The following CDKAL1 variants were observed in gnomAD, a reference collection of about 807,000 sequenced individuals.
CDKAL1 encodes the protein CDKAL1 threonylcarbamoyladenosine tRNA methylthiotransferase, also known as threonylcarbamoyladenosine tRNA methylthiotransferase.
A neutral mutation model predicts 68.2 loss-of-function variants in CDKAL1; 32 were observed. That is an observed-to-expected ratio of 0.47 (90% CI 0.35 to 0.63). CDKAL1 has a LOEUF of 0.63. Ranked by LOEUF, CDKAL1 falls within the 30% of genes least tolerant of loss-of-function variation. CDKAL1 has a pLI of 0.00. For synonymous variants in CDKAL1, 234 were observed against 244.3 expected, an observed-to-expected ratio of 0.96 and a Z score of 0.39; for missense variants, 606 against 696.7, an observed-to-expected ratio of 0.87 and a Z score of 1.47.
chr6:20,784,448 G>C (rs1373670026), intron 8 of CDKAL1, among the ~76,000 whole-genome samples: 1 of 12,878 alleles, frequency 7.8e-5, no homozygotes, highest in Non-Finnish European at 1.8e-4. Context: ...TTTTGAGACA[G>C]AGTCTCACTC....
chr6:20,849,333 C>T (rs1037321688), intron 9 of CDKAL1, among the ~76,000 whole-genome samples: 5 of 151,858 alleles, frequency 3.3e-5, no homozygotes, highest in Admixed American at 2.0e-4. Flanking sequence ...CCTGTAATCC[C>T]AGCACTTTGG....
At chr6:20,981,799 C>T (rs1026778175) in intron 10 of CDKAL1, among the ~76,000 whole-genome samples, 12 of 152,178 alleles carry the variant, frequency 7.9e-5, no homozygotes, top group African/African-American at 2.9e-4. Flanking sequence ...CAAAAACGTG[C>T]CCCTGCACTC....
At chr6:21,056,566 C>A (rs1770844270) in intron 11 of CDKAL1, among the ~76,000 whole-genome samples, 1 of 152,080 alleles carries the variant, frequency 6.6e-6, no homozygotes, top group African/African-American at 2.4e-5. Flanking sequence ...CTATGTTGAA[C>A]AGGAGTAGCG....
intron 9 of CDKAL1, among the ~76,000 whole-genome samples, chr6:20,861,786 CAGG>C (rs1402328929): frequency 3.9e-5 from 6 of 152,288 alleles, no homozygotes; most frequent in East Asian, 3.9e-4. Flanking sequence ...CCGCCATTGT[CAGG>C]AGATCTGTCT....
At chr6:20,597,045 G>A (rs942333086) in intron 4 of CDKAL1, among the ~76,000 whole-genome samples, 2 of 152,212 alleles carry the variant, frequency 1.3e-5, no homozygotes, top group African/African-American at 4.8e-5. Context: ...CGCCTTCTGT[G>A]TTGATCTGGC....
chr6:21,077,524 G>A (rs1166948518), intron 12 of CDKAL1, among the ~76,000 whole-genome samples: 1 of 152,222 alleles, frequency 6.6e-6, no homozygotes, highest in Non-Finnish European at 1.5e-5. Flanking sequence ...GGCTTTACAG[G>A]CTTCTGCTTT....
chr6:20,587,144 G>C (rs1484373441), intron 4 of CDKAL1, among the ~76,000 whole-genome samples: 2 of 151,586 alleles, frequency 1.3e-5, no homozygotes, highest in African/African-American at 2.4e-5. Context: ...GTGCCACCAC[G>C]CCCCGCTAAT....
intron 4 of CDKAL1, among the ~76,000 whole-genome samples, chr6:20,561,491 C>G (rs114665566): frequency 7.0e-6 from 1 of 142,770 alleles, no homozygotes; most frequent in South Asian, 2.3e-4. Context: ...GTAGCCAGCT[C>G]TTAATATTAA....
chr6:20,664,591 C>T (rs1205055932), intron 5 of CDKAL1, among the ~76,000 whole-genome samples: 1 of 152,134 alleles, frequency 6.6e-6, no homozygotes, highest in African/African-American at 2.4e-5. Context: ...GTATTTCAGT[C>T]ATCCATGGTT....
intron 9 of CDKAL1, among the ~76,000 whole-genome samples, chr6:20,949,086 C>T (rs564004753): frequency 2.0e-5 from 3 of 152,190 alleles, no homozygotes; most frequent in Admixed American, 6.5e-5. Flanking sequence ...AATACCATCT[C>T]TTTGTTAACT....
At chr6:20,899,541 T>C (rs12153898) in intron 9 of CDKAL1, among the ~76,000 whole-genome samples, 16,194 of 152,248 alleles carry the variant, frequency 0.11, 941 homozygotes, top group African/African-American at 0.14. Flanking sequence ...TTCTATGTCA[T>C]TAATTTTGTT....
intron 4 of CDKAL1, among the ~76,000 whole-genome samples, chr6:20,609,401 C>CTTCTTCTTT (rs1554162718): frequency 8.0e-5 from 4 of 49,780 alleles, no homozygotes; most frequent in African/African-American, 3.3e-4. Flanking sequence ...TCTTCTTCTT[C>CTTCTTCTTT]TTTTTTTTTT....
chr6:20,854,037 T>A (rs1759189696), intron 9 of CDKAL1, among the ~76,000 whole-genome samples: 1 of 152,206 alleles, frequency 6.6e-6, no homozygotes, highest in Admixed American at 6.5e-5. Flanking sequence ...AAAGGATGGC[T>A]GACATTTATG....
At chr6:20,598,689 T>G (rs1342920628) in intron 4 of CDKAL1, among the ~76,000 whole-genome samples, 1 of 152,180 alleles carries the variant, frequency 6.6e-6, no homozygotes, top group Non-Finnish European at 1.5e-5. Context: ...AATTAATTAG[T>G]TTTTAGCATT....
chr6:20,904,254 G>A (rs979114528), intron 9 of CDKAL1, among the ~76,000 whole-genome samples: 3 of 152,064 alleles, frequency 2.0e-5, no homozygotes, highest in African/African-American at 4.8e-5. Flanking sequence ...TCTAGTCCAG[G>A]GCTGGGCATG....
intron 9 of CDKAL1, among the ~76,000 whole-genome samples, chr6:20,927,520 T>A (rs1188477419): frequency 1.3e-5 from 2 of 152,190 alleles, no homozygotes; most frequent in African/African-American, 4.8e-5. Flanking sequence ...TGCATTAATA[T>A]TACTTTTTAA....
chr6:20,645,602 G>T (rs1457357662), intron 4 of CDKAL1, among the ~76,000 whole-genome samples: 1 of 151,838 alleles, frequency 6.6e-6, no homozygotes, highest in Admixed American at 6.6e-5. Context: ...GTGGTGGCAG[G>T]TGCCTGTAGT....
rs573887683 is a variant in CDKAL1 at position 21,157,608 on chromosome 6, T to C, written c.1300-40413T>C. The stretch of plus-strand genomic sequence containing the variant: ...ATAGCTAAGTGAAAATCTTCACGAA[T>C]GAAAGCAACCTCTTTGTTTGTTCCT... On this transcript the variant is annotated intron_variant, in intron 13 of 15. Coordinates refer to ENST00000274695, the MANE Select transcript of CDKAL1 (RefSeq NM_017774.3). Among the ~76,000 whole-genome samples the C allele has an allele frequency of 3.9e-5, 6 of 152,334 alleles. No homozygotes were observed. In the South Asian group the frequency reaches 1.2e-3, roughly 32 times the overall value.
chr6:20,847,208 G>A (rs1778407592), intron 9 of CDKAL1, among the ~76,000 whole-genome samples: 1 of 152,074 alleles, frequency 6.6e-6, no homozygotes, highest in South Asian at 2.1e-4. Flanking sequence ...CATTCAACTA[G>A]TATTGAGAGA....
Sources: gnomAD v4.1 joint callset for allele counts (sites outside exome capture counted in the v4.1 genomes callset) on GRCh38, gnomAD v4.1.1 for gene constraint, MANE v1.5 for transcripts, NCBI Gene and HGNC (gene_info 2026-07-23, HGNC 2026-07-21) for gene names.